Variants in EYS observed in about 807,000 individuals in gnomAD.
EYS encodes the protein protein eyes shut homolog.
EYS carries 250 observed loss-of-function variants against 282.1 expected under a neutral mutation model. The ratio of observed to expected loss-of-function variants is 0.89; its 90% CI spans 0.80 to 0.98. The LOEUF is 0.98. EYS is among the 50% of genes least tolerant of loss of function. The pLI is 0.00. For synonymous variants in EYS, 1,355 were observed against 1,282.9 expected (o/e 1.06, Z -1.20); for missense variants, 4,016 against 3,709.0 (o/e 1.08, Z -2.15).
chr6:63,726,526 G>A lies in EYS; in HGVS notation c.8226C>T (p.Ala2742=), dbSNP rs1768622326. 1 of 1,548,996 alleles carries A rather than the reference G, an allele frequency of 6.5e-7. No homozygotes were observed. Among genetic ancestry groups the A allele is most frequent in the Non-Finnish European group, 8.7e-7 (1 of 1,145,964 alleles). Residue 2742 remains alanine (A), a synonymous_variant, in exon 42 of 43, where the codon GCC becomes GCT. Transcript: ENST00000503581. ...ACAGCCTGCCAATCTTACCTGATTG[G>A]GCTTTTAAGTGTTGTGCAGCATAAA... is the stretch of plus-strand genomic sequence containing the variant. ...ILFYAAQHLK[A]QSGDFLCISL... is the part of the protein sequence containing the mutation.
At chr6:65,618,016 T>C (rs1176680345) in intron 2 of EYS, among the ~76,000 whole-genome samples, 1 of 152,186 alleles carries the variant, frequency 6.6e-6, no homozygotes, top group African/African-American at 2.4e-5. Context: ...TAAACATACA[T>C]GTGCATGTGT....
chr6:64,072,389 C>G (rs926482161), intron 32 of EYS, among the ~76,000 whole-genome samples: 1 of 148,804 alleles, frequency 6.7e-6, no homozygotes, highest in East Asian at 2.0e-4. Flanking sequence ...TTTTTTTTTT[C>G]GGCTTCTACT....
intron 30 of EYS, among the ~76,000 whole-genome samples, chr6:64,306,302 T>C (rs1345906684): frequency 6.6e-6 from 1 of 152,142 alleles, no homozygotes; most frequent in East Asian, 1.9e-4. Context: ...TGTGATCAAA[T>C]AACCCACCTC....
chr6:63,873,379 C>T (rs1772870144), intron 35 of EYS, among the ~76,000 whole-genome samples: 1 of 152,164 alleles, frequency 6.6e-6, no homozygotes, highest in African/African-American at 2.4e-5. Flanking sequence ...ATATGTGACA[C>T]ATTTTCTTAA....
At chr6:65,288,840 G>A (rs1768443038) in intron 12 of EYS, among the ~76,000 whole-genome samples, 1 of 151,024 alleles carries the variant, frequency 6.6e-6, no homozygotes, top group Admixed American at 6.6e-5. Flanking sequence ...TACCTTGTCT[G>A]GAACGTGTAA....
At chr6:64,103,899 C>T (rs1772917869) in intron 31 of EYS, among the ~76,000 whole-genome samples, 1 of 152,048 alleles carries the variant, frequency 6.6e-6, no homozygotes, top group Non-Finnish European at 1.5e-5. Flanking sequence ...AGAGACAGGA[C>T]TTGGCAATGA....
At chr6:64,651,054 A>C (rs1347920850) in intron 22 of EYS, among the ~76,000 whole-genome samples, 1 of 152,144 alleles carries the variant, frequency 6.6e-6, no homozygotes, top group African/African-American at 2.4e-5. Flanking sequence ...GAAGGAGCCA[A>C]TTTAACTATT....
At chr6:64,884,223 T>C (rs1767012189) in intron 19 of EYS, among the ~76,000 whole-genome samples, 1 of 151,604 alleles carries the variant, frequency 6.6e-6, no homozygotes, top group Admixed American at 6.6e-5. Context: ...TTTTTCTGAA[T>C]AATATATTTG....
chr6:65,618,297 C>T lies in EYS; in HGVS notation c.-333+21481G>A, dbSNP rs566268728. Among the ~76,000 whole-genome samples the T allele has an allele frequency of 7.2e-5, 11 of 152,338 alleles. No individual in the cohort carries two copies. In the East Asian group the frequency reaches 9.6e-4, roughly 13 times the overall value. On this transcript the variant is annotated intron_variant, in intron 2 of 42. Coordinates refer to ENST00000503581, the MANE Select transcript of EYS (RefSeq NM_001142800.2). ...GTGGTTTTGGTTTGCATTTCTCTGA[C>T]GGCCAGTGATGGTGAGCATTTTTTC...
rs543015524 is a variant in EYS, at chr6:64,879,055, G to A, written c.2992+7642C>T. Among the ~76,000 whole-genome samples, 4 of 152,242 alleles carry A rather than the reference G, an allele frequency of 2.6e-5. No individual in the cohort carries two copies. The East Asian group carries it at 7.7e-4, about 29-fold the overall frequency. ...ATTTAGAGCACGGTAGAAAAAATAA[G>A]TTGAATTTTATGTGTTGCCCTTTTA... On this transcript the variant is annotated intron_variant, in intron 19 of 42. Coordinates refer to ENST00000503581, the MANE Select transcript of EYS (RefSeq NM_001142800.2).
intron 2 of EYS, among the ~76,000 whole-genome samples, chr6:65,530,089 A>G (rs1767707958): frequency 6.6e-6 from 1 of 152,180 alleles, no homozygotes. Flanking sequence ...ATTGTATCCT[A>G]TAATAAATCA....
At chr6:64,216,528 G>A (rs553095438) in intron 31 of EYS, among the ~76,000 whole-genome samples, 1 of 152,278 alleles carries the variant, frequency 6.6e-6, no homozygotes, top group African/African-American at 2.4e-5. Flanking sequence ...TGGATGCTGT[G>A]AAGCTCTGCC....
chr6:65,281,541 AATGC>A (rs1768219829), intron 12 of EYS, among the ~76,000 whole-genome samples: 1 of 152,180 alleles, frequency 6.6e-6, no homozygotes, highest in Non-Finnish European at 1.5e-5. Flanking sequence ...TAACTCTGTG[AATGC>A]TTGCAGCTGC....
At chr6:65,641,170 A>G (rs1428789340) in intron 1 of EYS, among the ~76,000 whole-genome samples, 1 of 152,232 alleles carries the variant, frequency 6.6e-6, no homozygotes, top group African/African-American at 2.4e-5. Context: ...TGGAAAGTGG[A>G]GAGGAAGCAA....
At chr6:65,295,141 C>A (rs1315128073) in intron 12 of EYS, among the ~76,000 whole-genome samples, 2 of 151,792 alleles carry the variant, frequency 1.3e-5, no homozygotes, top group African/African-American at 2.4e-5. Flanking sequence ...TCCAACTGGA[C>A]AAAACTTAAA....
At chr6:65,497,979 T>G (rs1379043984) in intron 2 of EYS, among the ~76,000 whole-genome samples, 1 of 152,020 alleles carries the variant, frequency 6.6e-6, no homozygotes, top group Admixed American at 6.6e-5. Context: ...AAAACAACAC[T>G]AATGTAGTGA....
In EYS at chr6:65,004,593, G is replaced by A. The variant is rs574987276; in HGVS notation, c.2138-6890C>T. Among the ~76,000 whole-genome samples the A allele has an allele frequency of 8.7e-4, 128 of 147,562 alleles. 1 individual carries two copies. Among genetic ancestry groups the A allele is most frequent in the African/African-American group, 3.0e-3 (124 of 41,238 alleles). On this transcript the variant is annotated intron_variant, in intron 13 of 42. Transcript: ENST00000503581. Reference sequence around the variant, plus strand: ...ATTTCCAAATCCATTTTCTCTCCACGCACAGCTCCATTCTCACAAGAATCA... The same window carrying A: ...ATTTCCAAATCCATTTTCTCTCCACACACAGCTCCATTCTCACAAGAATCA...
At chr6:64,410,864 C>G (rs575429328) in intron 28 of EYS, among the ~76,000 whole-genome samples, 10 of 152,230 alleles carry the variant, frequency 6.6e-5, no homozygotes, top group Non-Finnish European at 1.3e-4. Context: ...AGGACACTTT[C>G]TTTCCTCAGA....
intron 2 of EYS, among the ~76,000 whole-genome samples, chr6:65,496,749 A>G (rs970903507): frequency 1.3e-5 from 2 of 152,114 alleles, no homozygotes; most frequent in African/African-American, 4.8e-5. Context: ...TATATGTTGG[A>G]TTAAAATTCA....
Sources: gnomAD v4.1 joint callset for allele counts (sites outside exome capture counted in the v4.1 genomes callset) on GRCh38, gnomAD v4.1.1 for gene constraint, MANE v1.5 for transcripts, NCBI Gene and HGNC (gene_info 2026-07-23, HGNC 2026-07-21) for gene names.